The following ARHGDIA variants were observed in gnomAD, a reference collection of about 807,000 sequenced individuals.
ARHGDIA encodes the protein rho GDP-dissociation inhibitor 1.
A neutral mutation model predicts 25.0 loss-of-function variants in ARHGDIA; 9 were observed. That is an observed-to-expected ratio of 0.36 (90% CI 0.22 to 0.63). ARHGDIA has a LOEUF of 0.63. ARHGDIA is among the 20% of genes least tolerant of loss of function. ARHGDIA has a pLI of 0.69. For missense variants in ARHGDIA, 239 were observed against 264.3 expected (o/e 0.90, Z 0.66); for synonymous variants, 166 against 111.5 (o/e 1.49, Z -3.08).
chr17:81,869,066 G>C lies in ARHGDIA; in HGVS notation c.425C>G (p.Thr142Ser). The change falls in exon 6 of 6, where the codon ACT becomes AGT. Residue 142 changes from threonine to serine, a missense_variant. By Grantham distance (58) the Thr-to-Ser change is moderately conservative. Transcript: ENST00000269321. ...CCCATAGCTGCCTACCATGTAGTCA[G>C]TCTTGTCAACTGCGGCACAAGGAAG... is the stretch of plus-strand genomic sequence containing the variant. ...TYRKGVKIDKTDYMVGSYGPR... is the reference protein window; with the variant it reads ...TYRKGVKIDKSDYMVGSYGPR... 1 of 1,612,834 alleles carries C rather than the reference G, an allele frequency of 6.2e-7. No individual in the cohort carries two copies. The highest frequency in any genetic ancestry group is 8.5e-7 in the Non-Finnish European group (1 of 1,179,644).
Position 81,868,693 on chromosome 17 carries a change from G to T in ARHGDIA, c.*183C>A. On this transcript the variant is annotated 3_prime_UTR_variant, in exon 6 of 6. Coordinates refer to ENST00000269321, the MANE Select transcript of ARHGDIA (RefSeq NM_004309.6). ...GACCGAGGAGGCTGGGCCTGTGGGT[G>T]GGGGAGGGCTGAGGAGGGGGGTCGG... The T allele has an allele frequency of 3.3e-6, 5 of 1,534,504 alleles. No individual in the cohort carries two copies. The highest frequency in any genetic ancestry group is 3.5e-6 in the Non-Finnish European group (4 of 1,146,634).
intron 4 of ARHGDIA, 37 bp downstream of exon 4, chr17:81,869,293 C>A (rs200795980): frequency 1.2e-6 from 2 of 1,614,032 alleles, no homozygotes; most frequent in East Asian, 2.2e-5. Context: ...GCCCCAGCCC[C>A]GCCTCCATTC....
chr17:81,869,026 C>G lies in ARHGDIA; in HGVS notation c.465G>C (p.Glu155Asp). 1 of 1,613,656 alleles carries G rather than the reference C, an allele frequency of 6.2e-7. No homozygotes were observed. The highest frequency in any genetic ancestry group is 8.5e-7 in the Non-Finnish European group (1 of 1,179,944). Residue 155 changes from glutamate (E) to aspartate (D), a missense_variant, in exon 6 of 6, where the codon GAG (glutamate) becomes GAC (aspartate). Transcript: ENST00000269321. ...CCTCCACGGGGGTCAGGAACTCGTA[C>G]TCCTCGGCCCGGGGCCCATAGCTGC... ...MVGSYGPRAE[E>D]YEFLTPVEEA... is the part of the protein sequence containing the mutation.
intron 2 of ARHGDIA, 39 bp from the exon 3 acceptor site, chr17:81,869,664 G>C (rs375109586): frequency 2.0e-6 from 3 of 1,533,148 alleles, no homozygotes; most frequent in Middle Eastern, 1.7e-4. Flanking sequence ...ACCCCCACCA[G>C]TGGAAGTAGG....
chr17:81,868,161 C>A lies in ARHGDIA; in HGVS notation c.*715G>T. On this transcript the variant is annotated 3_prime_UTR_variant, in exon 6 of 6. Transcript: ENST00000269321. Reference sequence around the variant, plus strand: ...TTGAGTTTTGGCAATTTGGCTTTCCCCAAGCCGCCGGAGCCATCTCCACAG... The same window carrying A: ...TTGAGTTTTGGCAATTTGGCTTTCCACAAGCCGCCGGAGCCATCTCCACAG... 3.8e-6 allele frequency: 2 copies of A among 528,678 alleles called. No individual in the cohort carries two copies. Among genetic ancestry groups the A allele is most frequent in the Non-Finnish European group, 6.4e-6 (2 of 313,572 alleles). The allele number at this position is 528,678 out of a possible 1,614,324, so 32.7% of individuals were successfully genotyped here.
intron 3 of ARHGDIA, 56 bp from the exon 4 acceptor site, chr17:81,869,462 G>A (rs1293153982): frequency 1.1e-5 from 17 of 1,612,128 alleles, no homozygotes; most frequent in Non-Finnish European, 1.4e-5. Flanking sequence ...CGAAGCCCCA[G>A]CCCTGCGCGG....
Position 81,868,762 on chromosome 17 carries a change from A to AG in ARHGDIA, c.*113dup. On this transcript the variant is annotated 3_prime_UTR_variant, in exon 6 of 6. Transcript: ENST00000269321. ...GGCCAGGGAGGCGGACCAGGGTGGGAGGGGCACGGAGGGCCTGTCAGCACT... is the reference window on the plus strand; with the variant it reads ...GGCCAGGGAGGCGGACCAGGGTGGGAGGGGGCACGGAGGGCCTGTCAGCACT... The AG allele has an allele frequency of 8.3e-7, 1 of 1,198,822 alleles. No individual in the cohort carries two copies. The highest frequency in any genetic ancestry group is 1.1e-6 in the Non-Finnish European group (1 of 949,454). The allele number at this position is 1,198,822 out of a possible 1,614,324, so 74.3% of individuals were successfully genotyped here.
rs2039116748 is a variant in ARHGDIA, at chr17:81,868,377, G to C, written c.*499C>G. 1.1e-5 allele frequency: 16 copies of C among 1,443,350 alleles called. No individual in the cohort carries two copies. Among genetic ancestry groups the C allele is most frequent in the Non-Finnish European group, 1.5e-5 (16 of 1,102,486 alleles). 89.4% of individuals were successfully genotyped at this position (1,443,350 alleles called of 1,614,324 possible). The stretch of plus-strand genomic sequence containing the variant: ...TACACTCCACATGTTAAGGCATCAT[G>C]GTTAGACGGGACCGACAGCGACAAG... On this transcript the variant is annotated 3_prime_UTR_variant, in exon 6 of 6. Transcript: ENST00000269321.
Position 81,868,282 on chromosome 17 carries a change from C to G in ARHGDIA, c.*594G>C. ...TGTCCCTGGGTCACTGGGTTCGCCA[C>G]CGGGGAAGGGACGGGGAGGCCACAT... On this transcript the variant is annotated 3_prime_UTR_variant, in exon 6 of 6. Coordinates refer to ENST00000269321, the MANE Select transcript of ARHGDIA (RefSeq NM_004309.6). The G allele has an allele frequency of 7.6e-7, 1 of 1,323,792 alleles. No homozygotes were observed. Among genetic ancestry groups the G allele is most frequent in the Non-Finnish European group, 9.9e-7 (1 of 1,013,838 alleles). The allele number at this position is 1,323,792 out of a possible 1,614,324, so 82.0% of individuals were successfully genotyped here.
rs760805237 is a variant in ARHGDIA, at chr17:81,869,441, GCAGCCCTGCGCGAAGCCC to G, written c.275-53_275-36del. On this transcript the variant is annotated intron_variant, in intron 3 of 5. Coordinates refer to ENST00000269321, the MANE Select transcript of ARHGDIA (RefSeq NM_004309.6). ...GGACCTCCCCCTCAATGACTGCCCA[GCAGCCCTGCGCGAAGCCC>G]CAGCCCTGCGCGGCCCCCTGGCTGC... 84 of 1,612,960 alleles carry G rather than the reference GCAGCCCTGCGCGAAGCCC, an allele frequency of 5.2e-5. 1 individual carries two copies. Among genetic ancestry groups the G allele is most frequent in the Middle Eastern group, 1.6e-4 (1 of 6,062 alleles).
chr17:81,869,023 G>A lies in ARHGDIA; in HGVS notation c.468C>T (p.Tyr156=), dbSNP rs779427124. ...VGSYGPRAEE[Y]EFLTPVEEAP... ...CCTCCTCCACGGGGGTCAGGAACTC[G>A]TACTCCTCGGCCCGGGGCCCATAGC... The change falls in exon 6 of 6, where the codon TAC becomes TAT. Residue 156 remains tyrosine (Y), a synonymous_variant. Transcript: ENST00000269321. 46 of 1,613,496 alleles carry A rather than the reference G, an allele frequency of 2.9e-5. No homozygotes were observed. Among genetic ancestry groups the A allele is most frequent in the Non-Finnish European group, 3.6e-5 (42 of 1,179,976 alleles).
intron 2 of ARHGDIA, 54 bp downstream of exon 2, chr17:81,869,687 G>T (rs967503209): frequency 3.5e-5 from 55 of 1,560,796 alleles, no homozygotes; most frequent in Non-Finnish European, 4.8e-5. Flanking sequence ...CTGGGGAGCG[G>T]CAAGACAGCT....
At chr17:81,870,048 A>C in intron 1 of ARHGDIA, 91 bp from the exon 2 acceptor site, 1 of 1,248,322 alleles carries the variant, frequency 8.0e-7, no homozygotes, top group Non-Finnish European at 1.1e-6. Flanking sequence ...GGAGCTCCAA[A>C]AGGGCTCCAA....
At position 81,868,422 on chromosome 17, in the gene ARHGDIA, CG is replaced by C; in HGVS notation, c.*453del. 1 of 1,456,784 alleles carries C rather than the reference CG, an allele frequency of 6.9e-7. No individual in the cohort carries two copies. The allele number at this position is 1,456,784 out of a possible 1,614,324, so 90.2% of individuals were successfully genotyped here. ...GACAAGGGGGCTGGCCAGGGAGCAG[CG>C]GGGCTGGAGGACGGCCCGGCCCCCA... On this transcript the variant is annotated 3_prime_UTR_variant, in exon 6 of 6. Coordinates refer to ENST00000269321, the MANE Select transcript of ARHGDIA (RefSeq NM_004309.6).
In ARHGDIA at chr17:81,868,170, C is replaced by T. The variant is rs192374470; in HGVS notation, c.*706G>A. On this transcript the variant is annotated 3_prime_UTR_variant, in exon 6 of 6. Coordinates refer to ENST00000269321, the MANE Select transcript of ARHGDIA (RefSeq NM_004309.6). ...GGCAATTTGGCTTTCCCCAAGCCGC[C>T]GGAGCCATCTCCACAGCCCTGTCCA... is the stretch of plus-strand genomic sequence containing the variant. 136 of 549,216 alleles carry T rather than the reference C, an allele frequency of 2.5e-4. No individual in the cohort carries two copies. In the East Asian group the frequency reaches 3.5e-3, roughly 14 times the overall value. The allele number at this position is 549,216 out of a possible 1,614,324, so 34.0% of individuals were successfully genotyped here. A position where few individuals can be genotyped will look rare whatever the true frequency, so the allele number is the denominator to read the frequency against.
chr17:81,868,429 G>A lies in ARHGDIA; in HGVS notation c.*447C>T. ...GGGCTGGCCAGGGAGCAGCGGGGCT[G>A]GAGGACGGCCCGGCCCCCACGAGGC... On this transcript the variant is annotated 3_prime_UTR_variant, in exon 6 of 6. Coordinates refer to ENST00000269321, the MANE Select transcript of ARHGDIA (RefSeq NM_004309.6). 12 of 1,461,234 alleles carry A rather than the reference G, an allele frequency of 8.2e-6. No individual in the cohort carries two copies. Among genetic ancestry groups the A allele is most frequent in the Admixed American group, 2.6e-5 (1 of 39,170 alleles). The allele number at this position is 1,461,234 out of a possible 1,614,324, so 90.5% of individuals were successfully genotyped here. A position where few individuals can be genotyped will look rare whatever the true frequency, so the allele number is the denominator to read the frequency against.
At chr17:81,869,271 G>T (rs1206021012) in intron 4 of ARHGDIA, 35 bp from the exon 5 acceptor site, 1 of 1,614,058 alleles carries the variant, frequency 6.2e-7, no homozygotes, top group South Asian at 1.1e-5. Flanking sequence ...GGGAAGGTCG[G>T]TCCGGACCCC....
At chr17:81,870,226 AG>A (rs1390038459) in intron 1 of ARHGDIA, 5 of 427,682 alleles carry the variant, frequency 1.2e-5, no homozygotes, top group Middle Eastern at 6.3e-4. Flanking sequence ...AGGAGGCAGC[AG>A]CCCCCTGTAT....
rs773774745 is a variant in ARHGDIA, at chr17:81,869,579, G to A, written c.237C>T (p.Cys79=). The part of the protein sequence containing the change: ...NVVVTGLTLV[C]SSAPGPLELD... ...GCTCCAGGGGGCCCGGGGCCGAGCT[G>A]CACACCAGGGTCAGGCCAGTCACCA... is the stretch of plus-strand genomic sequence containing the variant. Residue 79 remains cysteine (C), a synonymous_variant, in exon 3 of 6, where the codon TGC becomes TGT. Coordinates refer to ENST00000269321, the MANE Select transcript of ARHGDIA (RefSeq NM_004309.6). The A allele has an allele frequency of 1.6e-5, 24 of 1,539,558 alleles. No individual in the cohort carries two copies. The highest frequency in any genetic ancestry group is 1.8e-5 in the Non-Finnish European group (21 of 1,146,412).
Sources: allele counts gnomAD v4.1 joint callset, GRCh38; gene constraint gnomAD v4.1.1; transcripts MANE v1.5; gene names NCBI Gene and HGNC (gene_info 2026-07-23, HGNC 2026-07-21).